AQP7B: variants seen among roughly 807,000 people sequenced by gnomAD.
AQP7B encodes the protein aquaporin 7B.
the AQP7B span, chr2:94,604,468 A>G: frequency 1.9e-6 from 3 of 1,610,730 alleles, no homozygotes; most frequent in Non-Finnish European, 2.5e-6. Context: ...GATCTCATGA[A>G]CCCATGATCT....
At chr2:94,591,244 C>A in the AQP7B span, among the ~76,000 whole-genome samples, 2 of 152,096 alleles carry the variant, frequency 1.3e-5, no homozygotes, top group South Asian at 2.1e-4. Context: ...AAGTGTCTAG[C>A]GGGCTCCTCA....
the AQP7B span, among the ~76,000 whole-genome samples, chr2:94,590,081 T>C: frequency 1.3e-5 from 2 of 152,212 alleles, no homozygotes. Context: ...TCTGGTGGTG[T>C]TGCCATTACC....
the AQP7B span, chr2:94,602,942 G>T: frequency 4.4e-6 from 6 of 1,365,290 alleles, no homozygotes; most frequent in Non-Finnish European, 6.0e-6. Flanking sequence ...CACAGAGCAT[G>T]CTGTCATACA....
the AQP7B span, chr2:94,602,764 C>G: frequency 1.1e-6 from 1 of 906,626 alleles, no homozygotes; most frequent in South Asian, 1.7e-5. Context: ...AACCCCGTGC[C>G]TATGACTTGT....
the AQP7B span, chr2:94,595,011 A>G: frequency 1.8e-6 from 1 of 561,700 alleles, no homozygotes; most frequent in South Asian, 2.6e-5. Flanking sequence ...GAGGAAAGTA[A>G]GGAGTGGGGG....
the AQP7B span, among the ~76,000 whole-genome samples, chr2:94,588,122 G>C: frequency 2.0e-5 from 3 of 152,100 alleles, no homozygotes; most frequent in African/African-American, 7.2e-5. Context: ...GTCCTGGACA[G>C]TCGCAGCTTA....
chr2:94,590,734 G>A, the AQP7B span, among the ~76,000 whole-genome samples: 2 of 151,946 alleles, frequency 1.3e-5, no homozygotes, highest in Non-Finnish European at 2.9e-5. Context: ...CTTGAGTCCA[G>A]GAGTTTGGGA....
chr2:94,588,064 G>C, the AQP7B span, among the ~76,000 whole-genome samples: 1 of 149,544 alleles, frequency 6.7e-6, no homozygotes, highest in Non-Finnish European at 1.5e-5. Context: ...TTCACCTTCT[G>C]TGTGTGTGTG....
the AQP7B span, among the ~76,000 whole-genome samples, chr2:94,589,567 A>T: frequency 0.011 from 1,636 of 152,108 alleles, 34 homozygotes; most frequent in African/African-American, 0.038. Flanking sequence ...TATACAAATG[A>T]ACTTACTTAT....
chr2:94,597,162 TC>T, the AQP7B span, among the ~76,000 whole-genome samples: 16 of 152,058 alleles, frequency 1.1e-4, no homozygotes, highest in Non-Finnish European at 1.5e-4. Context: ...CTCTCTTACC[TC>T]CCCACCTGCT....
chr2:94,587,342 G>C, the AQP7B span, among the ~76,000 whole-genome samples: 1 of 152,202 alleles, frequency 6.6e-6, no homozygotes, highest in Non-Finnish European at 1.5e-5. Flanking sequence ...GGAGGAAGAA[G>C]ATCAAGATGC....
At chr2:94,592,011 G>A in the AQP7B span, among the ~76,000 whole-genome samples, 437 of 152,262 alleles carry the variant, frequency 2.9e-3, 2 homozygotes, top group African/African-American at 9.8e-3. Flanking sequence ...TAGGCATAGT[G>A]GATTCAAGAA....
the AQP7B span, among the ~76,000 whole-genome samples, chr2:94,599,159 C>T: frequency 6.6e-6 from 1 of 152,084 alleles, no homozygotes; most frequent in Non-Finnish European, 1.5e-5. Context: ...GCCATGGGGG[C>T]CCCTCTGTTT....
At chr2:94,603,687 A>G in the AQP7B span, 1 of 1,379,528 alleles carries the variant, frequency 7.2e-7, no homozygotes, top group African/African-American at 1.4e-5. Flanking sequence ...GGCCCAGGTG[A>G]GCTGCCACAG....
chr2:94,603,081 G>A, the AQP7B span: 3 of 1,592,944 alleles, frequency 1.9e-6, no homozygotes, highest in Non-Finnish European at 2.6e-6. Context: ...CTGTGCGCTG[G>A]GCCGCGTGCC....
At chr2:94,596,054 G>T in the AQP7B span, among the ~76,000 whole-genome samples, 7 of 152,216 alleles carry the variant, frequency 4.6e-5, no homozygotes, top group Non-Finnish European at 1.0e-4. Context: ...GAGGTGTGAG[G>T]AGAACCAGAG....
chr2:94,591,390 C>T, the AQP7B span, among the ~76,000 whole-genome samples: 2 of 152,222 alleles, frequency 1.3e-5, no homozygotes, highest in African/African-American at 4.8e-5. Context: ...CCCTCTCTAA[C>T]CGAACACCAA....
chr2:94,603,864 T>G, the AQP7B span: 1 of 1,415,262 alleles, frequency 7.1e-7, no homozygotes, highest in Non-Finnish European at 9.9e-7. Context: ...ATGCCATCAA[T>G]CCATCCCGGG....
At chr2:94,602,004 G>C in the AQP7B span, among the ~76,000 whole-genome samples, 1 of 149,746 alleles carries the variant, frequency 6.7e-6, no homozygotes, top group Non-Finnish European at 1.5e-5. Context: ...CCAGCATTGT[G>C]GGAATTGCGG....
Sources: gnomAD v4.1 joint callset for allele counts (sites outside exome capture counted in the v4.1 genomes callset) on GRCh38, gnomAD v4.1.1 for gene constraint, MANE v1.5 for transcripts, NCBI Gene and HGNC (gene_info 2026-07-23, HGNC 2026-07-21) for gene names.